COL11A1: variants seen among roughly 807,000 people sequenced by gnomAD.
COL11A1 encodes collagen type XI alpha 1 chain, also known as collagen alpha-1(XI) chain.
In COL11A1, 74 loss-of-function variants were observed where a neutral mutation model predicts 265.2. The ratio of observed to expected loss-of-function variants is 0.28; its 90% CI spans 0.23 to 0.34. COL11A1 has a LOEUF of 0.34. Ranked by LOEUF, COL11A1 falls within the 10% of genes least tolerant of loss-of-function variation. The pLI is 1.00. For synonymous variants in COL11A1, 816 were observed against 727.6 expected (o/e 1.12, Z -1.96); for missense variants, 2,165 against 2,263.6 (o/e 0.96, Z 0.88).
intron 57 of COL11A1, among the ~76,000 whole-genome samples, chr1:102,897,636 T>C (rs1763345): frequency 0.088 from 13,367 of 152,156 alleles, 703 homozygotes; most frequent in Middle Eastern, 0.16. Flanking sequence ...TGCACACAGA[T>C]TTAATGATAG....
At chr1:103,013,706 G>A (rs1304822663) in intron 13 of COL11A1, among the ~76,000 whole-genome samples, 1 of 151,884 alleles carries the variant, frequency 6.6e-6, no homozygotes, top group Admixed American at 6.6e-5. Context: ...TCATCATGAT[G>A]CATAAAAATT....
chr1:102,953,805 G>A (rs1009826979), intron 41 of COL11A1, among the ~76,000 whole-genome samples: 4 of 152,136 alleles, frequency 2.6e-5, no homozygotes, highest in Non-Finnish European at 4.4e-5. Flanking sequence ...CATTAATATG[G>A]CATTGTTAAT....
chr1:102,914,959 T>C, intron 50 of COL11A1, 148 bp from the exon 51 acceptor site: 1 of 671,366 alleles, frequency 1.5e-6, no homozygotes, highest in Non-Finnish European at 2.5e-6. Context: ...AGTTGGAGTG[T>C]AGTGGCACAA....
chr1:103,093,089 T>A (rs1429270998), intron 1 of COL11A1, among the ~76,000 whole-genome samples: 1 of 152,104 alleles, frequency 6.6e-6, no homozygotes, highest in South Asian at 2.1e-4. Flanking sequence ...ACATCTTTTT[T>A]AAAATCTTAT....
chr1:103,089,682 T>C (rs1393284982), intron 1 of COL11A1, among the ~76,000 whole-genome samples: 5 of 152,198 alleles, frequency 3.3e-5, no homozygotes, highest in African/African-American at 1.2e-4. Context: ...AATGGATGAA[T>C]AAATGAGTAG....
intron 36 of COL11A1, among the ~76,000 whole-genome samples, chr1:102,974,132 G>A (rs1179551004): frequency 6.6e-6 from 1 of 152,126 alleles, no homozygotes; most frequent in African/African-American, 2.4e-5. Context: ...GTCCTAGACA[G>A]GTGGGTAAGC....
chr1:102,881,183 T>C (rs1353098611), intron 65 of COL11A1, among the ~76,000 whole-genome samples: 1 of 152,082 alleles, frequency 6.6e-6, no homozygotes, highest in Non-Finnish European at 1.5e-5. Flanking sequence ...TAAAGATTAA[T>C]TTAATTTTGA....
At chr1:103,083,224 C>CTGTGTG (rs745323548) in intron 1 of COL11A1, among the ~76,000 whole-genome samples, 2 of 103,492 alleles carry the variant, frequency 1.9e-5, no homozygotes, top group East Asian at 3.3e-4. Context: ...GAAGGGGTGT[C>CTGTGTG]TGTGTGTGTG....
chr1:102,920,729 G>T (rs1014451105), intron 48 of COL11A1, among the ~76,000 whole-genome samples: 4 of 152,052 alleles, frequency 2.6e-5, no homozygotes, highest in African/African-American at 7.2e-5. Flanking sequence ...CATAATCCAC[G>T]CAAGAAACAA....
intron 4 of COL11A1, among the ~76,000 whole-genome samples, chr1:103,048,396 T>A (rs1669493771): frequency 6.6e-6 from 1 of 152,140 alleles, no homozygotes; most frequent in African/African-American, 2.4e-5. Context: ...TGCATAGAGG[T>A]GTTTATAGTA....
At position 102,939,105 on chromosome 1, in the gene COL11A1, T is replaced by G. The variant is rs748743190; in HGVS notation, c.3385-17A>C. On this transcript the variant is annotated splice_polypyrimidine_tract_variant and intron_variant, in intron 43 of 66. Transcript: ENST00000370096. ...AATTTCACCCTGAAATTGAAAGATT[T>G]GACTTAGAGTTTATCTCTAACATGC... 13 of 1,611,444 alleles carry G rather than the reference T, an allele frequency of 8.1e-6. No homozygotes were observed. In the African/African-American group the frequency reaches 1.7e-4, roughly 22 times the overall value.
chr1:102,878,610 A>G (rs1649837149), intron 66 of COL11A1, among the ~76,000 whole-genome samples: 1 of 148,890 alleles, frequency 6.7e-6, no homozygotes, highest in African/African-American at 2.5e-5. Context: ...TCCTGGTTTC[A>G]AGCCATTCTC....
intron 4 of COL11A1, among the ~76,000 whole-genome samples, chr1:103,042,185 C>T (rs1015742724): frequency 6.6e-6 from 1 of 151,966 alleles, no homozygotes; most frequent in East Asian, 1.9e-4. Flanking sequence ...AAGTATCATG[C>T]CGACACTATG....
intron 48 of COL11A1, 121 bp from the exon 49 acceptor site, chr1:102,920,485 A>G (rs976420695): frequency 3.0e-5 from 25 of 825,980 alleles, no homozygotes; most frequent in Middle Eastern, 4.6e-4. Flanking sequence ...TAGTCATTTA[A>G]AGAATGAGAC....
chr1:102,970,150 G>T, intron 37 of COL11A1, 69 bp downstream of exon 37: 1 of 1,242,454 alleles, frequency 8.0e-7, no homozygotes, highest in Non-Finnish European at 1.2e-6. Flanking sequence ...TAATAAAGTA[G>T]CTTTCTATGT....
chr1:103,033,899 G>T (rs1252270278), intron 4 of COL11A1, among the ~76,000 whole-genome samples: 1 of 152,048 alleles, frequency 6.6e-6, no homozygotes, highest in Non-Finnish European at 1.5e-5. Context: ...CTCCTAATTA[G>T]CTGGGTCTAT....
intron 7 of COL11A1, among the ~76,000 whole-genome samples, chr1:103,024,716 C>A (rs991315040): frequency 1.3e-5 from 2 of 152,170 alleles, no homozygotes; most frequent in African/African-American, 2.4e-5. Flanking sequence ...TCCATTCTCA[C>A]CCTAAACATT....
intron 46 of COL11A1, among the ~76,000 whole-genome samples, chr1:102,931,933 T>C (rs968047484): frequency 6.6e-6 from 1 of 151,588 alleles, no homozygotes; most frequent in African/African-American, 2.4e-5. Context: ...TTTTTTGTTT[T>C]CCATTTGCTT....
At chr1:103,059,390 C>G (rs1350306897) in intron 4 of COL11A1, among the ~76,000 whole-genome samples, 1 of 151,786 alleles carries the variant, frequency 6.6e-6, no homozygotes, top group African/African-American at 2.4e-5. Flanking sequence ...TTCACCTTAC[C>G]AACACATAGC....
Sources: gnomAD v4.1 joint callset for allele counts (sites outside exome capture counted in the v4.1 genomes callset) on GRCh38, gnomAD v4.1.1 for gene constraint, MANE v1.5 for transcripts, NCBI Gene and HGNC (gene_info 2026-07-23, HGNC 2026-07-21) for gene names.